Variants in SLC4A4 observed in about 807,000 individuals in gnomAD.
SLC4A4 encodes the protein electrogenic sodium bicarbonate cotransporter 1.
In SLC4A4, 27 loss-of-function variants were observed where a neutral mutation model predicts 111.5. The ratio of observed to expected loss-of-function variants is 0.24; its 90% CI spans 0.18 to 0.33. The LOEUF is 0.33. SLC4A4 is among the 10% of genes least tolerant of loss of function. The probability of loss-of-function intolerance (pLI) is 1.00; values close to 1 mark genes in which losing one functional copy is unlikely to be tolerated. For synonymous variants in SLC4A4, 443 were observed against 463.4 expected (o/e 0.96, Z 0.57); for missense variants, 909 against 1,315.5 (o/e 0.69, Z 4.78).
At chr4:71,240,535 G>T (rs1720126261) in intron 2 of SLC4A4, among the ~76,000 whole-genome samples, 1 of 152,152 alleles carries the variant, frequency 6.6e-6, no homozygotes, top group African/African-American at 2.4e-5. Flanking sequence ...ACTTAATGCA[G>T]TGGGAAGTAT....
intron 8 of SLC4A4, among the ~76,000 whole-genome samples, chr4:71,441,636 G>A (rs1211661499): frequency 6.6e-6 from 1 of 152,076 alleles, no homozygotes; most frequent in Non-Finnish European, 1.5e-5. Context: ...ATCCTCCTCA[G>A]CTCAGACGGT....
At position 71,445,038 on chromosome 4, in the gene SLC4A4, A is replaced by G. The variant is rs188385606; in HGVS notation, c.966-2608A>G. Among the ~76,000 whole-genome samples, 22 of 152,318 alleles carry G rather than the reference A, an allele frequency of 1.4e-4. No individual in the cohort carries two copies. The East Asian group carries it at 3.7e-3, about 25-fold the overall frequency. On this transcript the variant is annotated intron_variant, in intron 8 of 25. Coordinates refer to ENST00000264485, the MANE Select transcript of SLC4A4 (RefSeq NM_001098484.3). ...ACCTTCTTTAAAAAATAAAAATTGC[A>G]TTACCCAGGAAAGAGGAATACTACT...
intron 2 of SLC4A4, among the ~76,000 whole-genome samples, chr4:71,137,354 A>C (rs1489775012): frequency 1.3e-5 from 2 of 152,192 alleles, no homozygotes; most frequent in South Asian, 2.1e-4. Flanking sequence ...CTTCTTGATC[A>C]CTTATCTATC....
At chr4:71,190,559 C>T (rs1211847084) in intron 1 of SLC4A4, among the ~76,000 whole-genome samples, 1 of 152,116 alleles carries the variant, frequency 6.6e-6, no homozygotes, top group African/African-American at 2.4e-5. Flanking sequence ...ACATTTCTAA[C>T]AAGACATTGA....
intron 6 of SLC4A4, among the ~76,000 whole-genome samples, chr4:71,360,471 T>A (rs1346399434): frequency 6.6e-6 from 1 of 152,138 alleles, no homozygotes; most frequent in African/African-American, 2.4e-5. Context: ...ATTGAAGAAC[T>A]TTTTTTCAGT....
At chr4:71,341,461 A>G (rs1360505249) in intron 4 of SLC4A4, among the ~76,000 whole-genome samples, 2 of 152,174 alleles carry the variant, frequency 1.3e-5, no homozygotes, top group African/African-American at 4.8e-5. Flanking sequence ...AATATTTTTA[A>G]AAATCGCTTT....
At chr4:71,211,204 T>C (rs959700645) in intron 1 of SLC4A4, among the ~76,000 whole-genome samples, 3 of 152,238 alleles carry the variant, frequency 2.0e-5, no homozygotes, top group Non-Finnish European at 2.9e-5. Context: ...TGTCTTTTCC[T>C]TTACTTACTC....
intron 6 of SLC4A4, among the ~76,000 whole-genome samples, chr4:71,383,502 A>G (rs766581852): frequency 2.0e-5 from 3 of 152,164 alleles, no homozygotes; most frequent in Non-Finnish European, 4.4e-5. Context: ...TAGAACTGCA[A>G]CCTCTCAGTT....
chr4:71,146,805 C>G (rs1272694975), intron 2 of SLC4A4, among the ~76,000 whole-genome samples: 4 of 152,140 alleles, frequency 2.6e-5, no homozygotes, highest in Admixed American at 6.5e-5. Flanking sequence ...TAACGACCAT[C>G]AAGGCTAGGA....
At chr4:71,486,904 C>A (rs1460798112) in intron 14 of SLC4A4, 44 bp from the exon 15 acceptor site, 1 of 1,244,660 alleles carries the variant, frequency 8.0e-7, no homozygotes. Context: ...AGGTCTTTTT[C>A]TATTTTAGTT....
chr4:71,116,682 G>A (rs777543923), intron 2 of SLC4A4, among the ~76,000 whole-genome samples: 3 of 152,158 alleles, frequency 2.0e-5, no homozygotes, highest in South Asian at 2.1e-4. Flanking sequence ...GGTGGCTCAC[G>A]CCTGTAATCC....
At chr4:71,236,361 C>A in intron 1 of SLC4A4, 1 of 876,340 alleles carries the variant, frequency 1.1e-6, no homozygotes, top group Non-Finnish European at 1.6e-6. Context: ...GGTGCCCTCT[C>A]AAGGTTAGAA....
In SLC4A4 at chr4:71,558,001, C is replaced by A. The variant is rs1420135372; in HGVS notation, c.2937+116C>A. ...TTGTTCCAAATTTTTCCAGCTTTGA[C>A]CTCATCACTTTGATCAGTTGTAATT... On this transcript the variant is annotated intron_variant, in intron 22 of 25. Transcript: ENST00000264485. 4 of 829,640 alleles carry A rather than the reference C, an allele frequency of 4.8e-6. No homozygotes were observed. In the African/African-American group the frequency reaches 6.7e-5, roughly 14 times the overall value. The allele number at this position is 829,640 out of a possible 1,614,324, so 51.4% of individuals were successfully genotyped here.
intron 8 of SLC4A4, among the ~76,000 whole-genome samples, chr4:71,443,689 C>G (rs994512761): frequency 1.3e-5 from 2 of 152,114 alleles, no homozygotes; most frequent in Non-Finnish European, 2.9e-5. Context: ...CTTTTCTAAT[C>G]TTGATTTGCA....
intron 2 of SLC4A4, among the ~76,000 whole-genome samples, chr4:71,157,510 A>G (rs1744509784): frequency 6.6e-6 from 1 of 152,196 alleles, no homozygotes; most frequent in African/African-American, 2.4e-5. Flanking sequence ...AAAATGATAA[A>G]AATTAGCATA....
At chr4:71,394,968 G>A (rs1719667343) in intron 6 of SLC4A4, among the ~76,000 whole-genome samples, 1 of 152,106 alleles carries the variant, frequency 6.6e-6, no homozygotes, top group Non-Finnish European at 1.5e-5. Flanking sequence ...CAAATATGGT[G>A]CAGTATATAT....
intron 7 of SLC4A4, among the ~76,000 whole-genome samples, chr4:71,424,003 A>G (rs1722826823): frequency 6.6e-6 from 1 of 152,154 alleles, no homozygotes; most frequent in Admixed American, 6.6e-5. Flanking sequence ...GATCTAGTTA[A>G]ACTAAAGAGC....
intron 23 of SLC4A4, among the ~76,000 whole-genome samples, chr4:71,561,712 G>A (rs983313342): frequency 2.0e-5 from 3 of 151,718 alleles, no homozygotes; most frequent in African/African-American, 7.2e-5. Context: ...AACTACAGAA[G>A]AGACTAAGAC....
intron 7 of SLC4A4, among the ~76,000 whole-genome samples, chr4:71,407,018 A>G (rs1386343032): frequency 1.3e-5 from 2 of 152,148 alleles, no homozygotes; most frequent in Admixed American, 6.5e-5. Flanking sequence ...TAATTTCCCT[A>G]AAGTTAAATA....
Sources: gnomAD v4.1 joint callset for allele counts (sites outside exome capture counted in the v4.1 genomes callset) on GRCh38, gnomAD v4.1.1 for gene constraint, MANE v1.5 for transcripts, NCBI Gene and HGNC (gene_info 2026-07-23, HGNC 2026-07-21) for gene names.